The following LRRC74A variants were observed in gnomAD, a reference collection of about 807,000 sequenced individuals.
LRRC74A encodes the protein leucine rich repeat containing 74A.
LRRC74A carries 44 observed loss-of-function variants against 57.9 expected under a neutral mutation model. That is an observed-to-expected ratio of 0.76 (90% CI 0.60 to 0.98). LRRC74A has a LOEUF of 0.98. Among genes scored for constraint, LRRC74A ranks in the 50% least tolerant of loss-of-function variants. The pLI is 0.00. For missense variants in LRRC74A, 572 were observed against 574.0 expected (o/e 1.00, Z 0.04); for synonymous variants, 211 against 219.4 (o/e 0.96, Z 0.34).
intron 5 of LRRC74A, 80 bp downstream of exon 5, chr14:76,838,051 C>T (rs1896492473): frequency 2.1e-6 from 2 of 934,248 alleles, no homozygotes; most frequent in Non-Finnish European, 3.3e-6. Flanking sequence ...TTCAATGTCT[C>T]ATTGAACCAG....
intron 1 of LRRC74A, 148 bp from the exon 2 acceptor site, chr14:76,828,143 G>A: frequency 9.7e-7 from 1 of 1,029,970 alleles, no homozygotes; most frequent in Non-Finnish European, 1.4e-6. Flanking sequence ...GAGGTTTGTA[G>A]AGTGGACTTG....
At chr14:76,841,077 T>C (rs1896736002) in intron 5 of LRRC74A, among the ~76,000 whole-genome samples, 1 of 152,240 alleles carries the variant, frequency 6.6e-6, no homozygotes, top group Non-Finnish European at 1.5e-5. Context: ...AGTCTCCCTC[T>C]GTCGCCCAGG....
At chr14:76,838,848 G>T (rs148894759) in intron 5 of LRRC74A, among the ~76,000 whole-genome samples, 1 of 152,128 alleles carries the variant, frequency 6.6e-6, no homozygotes, top group African/African-American at 2.4e-5. Flanking sequence ...CAATCCTCCC[G>T]CCTCAGCCTC....
In LRRC74A at chr14:76,867,351, C is replaced by G. The variant is rs1269043105; in HGVS notation, c.1309-5C>G. 1 of 1,516,196 alleles carries G rather than the reference C, an allele frequency of 6.6e-7. No individual in the cohort carries two copies. Among genetic ancestry groups the G allele is most frequent in the Non-Finnish European group, 9.1e-7 (1 of 1,093,274 alleles). 93.9% of individuals were successfully genotyped at this position (1,516,196 alleles called of 1,614,324 possible). On this transcript the variant is annotated splice_polypyrimidine_tract_variant and splice_region_variant and intron_variant, in intron 12 of 13. Transcript: ENST00000689127. ...TAACTGCACATGTTCCATCCACCTCCTCAGCAAAACAAGGTCCCCCTGAAC... is the reference window on the plus strand; with the variant it reads ...TAACTGCACATGTTCCATCCACCTCGTCAGCAAAACAAGGTCCCCCTGAAC...
chr14:76,855,782 G>C (rs1173884886), intron 9 of LRRC74A, among the ~76,000 whole-genome samples: 1 of 152,176 alleles, frequency 6.6e-6, no homozygotes, highest in East Asian at 1.9e-4. Flanking sequence ...AAGAGTTTTG[G>C]CTGCCTCATG....
chr14:76,859,235 AGAACATTAGAAATGT>A (rs1214914124), intron 10 of LRRC74A, among the ~76,000 whole-genome samples: 4 of 152,236 alleles, frequency 2.6e-5, no homozygotes, highest in African/African-American at 9.6e-5. Flanking sequence ...TGTGTTTGAG[AGAACATTAGAAATGT>A]TCTCTCAGGC....
intron 5 of LRRC74A, among the ~76,000 whole-genome samples, chr14:76,838,458 A>C (rs1391181167): frequency 6.6e-6 from 1 of 152,130 alleles, no homozygotes; most frequent in Non-Finnish European, 1.5e-5. Flanking sequence ...GAATAGAATT[A>C]GTGGAAAACA....
At chr14:76,841,080 C>T (rs991883116) in intron 5 of LRRC74A, among the ~76,000 whole-genome samples, 3 of 152,128 alleles carry the variant, frequency 2.0e-5, no homozygotes, top group Non-Finnish European at 2.9e-5. Context: ...CTCCCTCTGT[C>T]GCCCAGGCTG....
At chr14:76,851,697 C>T (rs761742059) in intron 7 of LRRC74A, among the ~76,000 whole-genome samples, 9 of 143,212 alleles carry the variant, frequency 6.3e-5, no homozygotes, top group African/African-American at 1.3e-4. Flanking sequence ...GACAGAGTCT[C>T]GCTCTGTCGC....
In LRRC74A at chr14:76,831,228, A is replaced by G. The variant is rs771315685; in HGVS notation, c.192A>G (p.Gly64=). 26 of 1,613,904 alleles carry G rather than the reference A, an allele frequency of 1.6e-5. No homozygotes were observed. The highest frequency in any genetic ancestry group is 2.2e-5 in the Non-Finnish European group (26 of 1,179,884). ...ATGATGAGAAATTTTTCACCACTGG[A>G]CAAAAGGAGCTGTACCTGGAGGCCT... ...IEDDEKFFTT[G]QKELYLEACK... is the part of the protein sequence containing the mutation. The change falls in exon 3 of 14, where the codon GGA becomes GGG. Residue 64 remains glycine, a synonymous_variant. Coordinates refer to ENST00000689127, the MANE Select transcript of LRRC74A (RefSeq NM_001385106.1).
chr14:76,863,181 TGTGA>T (rs1216235957), intron 11 of LRRC74A, among the ~76,000 whole-genome samples: 1 of 95,820 alleles, frequency 1.0e-5, no homozygotes, highest in Non-Finnish European at 2.1e-5. Flanking sequence ...ATTGCATGCA[TGTGA>T]GTGTGTGTGT....
At position 76,826,462 on chromosome 14, in the gene LRRC74A, G is replaced by A. The variant is rs1347565634; in HGVS notation, c.-236G>A. 4 of 1,479,504 alleles carry A rather than the reference G, an allele frequency of 2.7e-6. No homozygotes were observed. The highest frequency in any genetic ancestry group is 3.7e-6 in the Non-Finnish European group (4 of 1,090,106). 91.6% of individuals were successfully genotyped at this position (1,479,504 alleles called of 1,614,324 possible). A position where few individuals can be genotyped will look rare whatever the true frequency, so the allele number is the denominator to read the frequency against. The stretch of plus-strand genomic sequence containing the variant: ...CTCTCCCAGATGAGCTGGAGAAGTA[G>A]CTACCTCTCCCAGACAGAGTTGGGG... On this transcript the variant is annotated 5_prime_UTR_variant, in exon 1 of 14. Coordinates refer to ENST00000689127, the MANE Select transcript of LRRC74A (RefSeq NM_001385106.1).
intron 11 of LRRC74A, among the ~76,000 whole-genome samples, chr14:76,865,729 G>C (rs756274864): frequency 6.6e-6 from 1 of 152,212 alleles, no homozygotes; most frequent in Non-Finnish European, 1.5e-5. Flanking sequence ...GAAGCATGGC[G>C]AGCACACAGG....
At chr14:76,853,091 C>T in intron 8 of LRRC74A, 125 bp from the exon 9 acceptor site, 1 of 803,164 alleles carries the variant, frequency 1.2e-6, no homozygotes, top group Non-Finnish European at 2.0e-6. Context: ...CTGGCAGACC[C>T]ATCAGTCCTG....
intron 11 of LRRC74A, among the ~76,000 whole-genome samples, chr14:76,863,359 G>A (rs558647824): frequency 5.8e-4 from 88 of 152,250 alleles, no homozygotes; most frequent in Admixed American, 3.2e-3. Flanking sequence ...GTCTCTCCAC[G>A]TTCTAGCCCC....
chr14:76,857,286 C>A, intron 9 of LRRC74A, 94 bp from the exon 10 acceptor site: 1 of 734,442 alleles, frequency 1.4e-6, no homozygotes, highest in South Asian at 1.5e-5. Flanking sequence ...GGGTGTGAGA[C>A]AGAGGTTGTG....
At chr14:76,840,583 T>TA (rs1453868896) in intron 5 of LRRC74A, among the ~76,000 whole-genome samples, 180 of 143,356 alleles carry the variant, frequency 1.3e-3, no homozygotes, top group African/African-American at 4.5e-3. Context: ...TTTATGTATT[T>TA]CTTTTTTTTT....
At chr14:76,849,206 A>G (rs2140288328) in intron 7 of LRRC74A, among the ~76,000 whole-genome samples, 1 of 152,130 alleles carries the variant, frequency 6.6e-6, no homozygotes, top group Non-Finnish European at 1.5e-5. Context: ...GGCTGGGTGG[A>G]GTGCAGTGGC....
Position 76,867,239 on chromosome 14 carries a change from G to GGTGT in LRRC74A, c.1309-112_1309-109dup, listed in dbSNP as rs575728496. The stretch of plus-strand genomic sequence containing the variant: ...GTGTGTGTGTGGTAGTGTGTGTGGG[G>GGTGT]GTGTGTGTTGGGGGGGTGGGGTGTG... On this transcript the variant is annotated intron_variant, in intron 12 of 13. Coordinates refer to ENST00000689127, the MANE Select transcript of LRRC74A (RefSeq NM_001385106.1). The GGTGT allele has an allele frequency of 2.6e-3, 975 of 371,758 alleles. 55 individuals are homozygous for GGTGT. In the African/African-American group the frequency reaches 0.038, roughly 15 times the overall value. 23.0% of individuals were successfully genotyped at this position (371,758 alleles called of 1,614,324 possible).
Sources: gnomAD v4.1 joint callset for allele counts (sites outside exome capture counted in the v4.1 genomes callset) on GRCh38, gnomAD v4.1.1 for gene constraint, MANE v1.5 for transcripts, NCBI Gene and HGNC (gene_info 2026-07-23, HGNC 2026-07-21) for gene names.